The following GCNT2 variants were observed in gnomAD, a reference collection of about 807,000 sequenced individuals.
GCNT2 encodes N-acetyllactosaminide beta-1,6-N-acetylglucosaminyl-transferase.
GCNT2 carries 34 observed loss-of-function variants against 34.2 expected under a neutral mutation model. That is an observed-to-expected ratio of 1.00 (90% CI 0.76 to 1.32). GCNT2 has a LOEUF of 1.32. GCNT2 is among the 40% of genes most tolerant of loss of function. The pLI is 0.00. For missense variants in GCNT2, 584 were observed against 489.4 expected (o/e 1.19, Z -1.82); for synonymous variants, 212 against 188.0 (o/e 1.13, Z -1.04).
At chr6:10,583,460 T>C (rs558941590) in intron 3 of GCNT2, among the ~76,000 whole-genome samples, 4 of 152,252 alleles carry the variant, frequency 2.6e-5, no homozygotes, top group African/African-American at 9.6e-5. Context: ...GTTGATCCTT[T>C]AGTTGACCAG....
At chr6:10,574,166 G>A (rs1581429001) in intron 3 of GCNT2, among the ~76,000 whole-genome samples, 2 of 152,264 alleles carry the variant, frequency 1.3e-5, no homozygotes, top group Admixed American at 1.3e-4. Context: ...ACGCAGAGGG[G>A]CTCTGCAGCC....
At chr6:10,550,841 T>C (rs1199756760) in intron 3 of GCNT2, among the ~76,000 whole-genome samples, 7 of 152,204 alleles carry the variant, frequency 4.6e-5, no homozygotes, top group Admixed American at 2.6e-4. Flanking sequence ...AGGGGCCCTG[T>C]AACCTGTATT....
intron 3 of GCNT2, among the ~76,000 whole-genome samples, chr6:10,552,264 TCTTC>T (rs1762517700): frequency 6.6e-6 from 1 of 151,840 alleles, no homozygotes; most frequent in South Asian, 2.1e-4. Context: ...GGAAATGTCT[TCTTC>T]CTTCATGTTA....
chr6:10,571,326 T>C (rs138779750), intron 3 of GCNT2, among the ~76,000 whole-genome samples: 2,385 of 150,934 alleles, frequency 0.016, 26 homozygotes, highest in Admixed American at 0.022. Context: ...GTAGAAATTA[T>C]GATGATGATC....
intron 3 of GCNT2, among the ~76,000 whole-genome samples, chr6:10,600,972 T>A (rs1765066013): frequency 2.6e-5 from 4 of 152,038 alleles, no homozygotes; most frequent in African/African-American, 7.3e-5. Context: ...TTGTATTTTT[T>A]GTAGAGATGG....
Position 10,529,178 on chromosome 6 carries a change from T to C in GCNT2, c.267T>C (p.Ser89=). The part of the protein sequence containing the change: ...VRSHYVTETL[S]EEEAGFPLAY... ...GCCACTATGTAACAGAAACACTCTC[T>C]GAAGAAGAGGCTGGGTTCCCTTTAG... Residue 89 remains serine, a synonymous_variant, in exon 3 of 5, where the codon TCT becomes TCC. Transcript: ENST00000495262. 6.2e-7 allele frequency: 1 copy of C among 1,614,178 alleles called. No homozygotes were observed. The highest frequency in any genetic ancestry group is 8.5e-7 in the Non-Finnish European group (1 of 1,180,018).
intron 3 of GCNT2, among the ~76,000 whole-genome samples, chr6:10,576,920 C>CAAT (rs142548361): frequency 4.0e-3 from 605 of 151,422 alleles, no homozygotes; most frequent in Non-Finnish European, 5.5e-3. Context: ...AAAATAATAA[C>CAAT]AATAATAATA....
intron 3 of GCNT2, among the ~76,000 whole-genome samples, chr6:10,543,860 G>A (rs1222219781): frequency 6.6e-6 from 1 of 152,190 alleles, no homozygotes; most frequent in Non-Finnish European, 1.5e-5. Context: ...GCTAGTAAGT[G>A]TCAGTGTCAA....
intron 3 of GCNT2, chr6:10,619,327 G>A (rs1486287129): frequency 1.3e-5 from 2 of 151,754 alleles, no homozygotes; most frequent in Non-Finnish European, 2.9e-5. Flanking sequence ...GACTACAAGA[G>A]TGCATCACCA....
chr6:10,594,160 A>T (rs530790023), intron 3 of GCNT2, among the ~76,000 whole-genome samples: 1 of 152,340 alleles, frequency 6.6e-6, no homozygotes, highest in East Asian at 1.9e-4. Context: ...GCAGGTCTGG[A>T]GCAGTCCCCA....
At chr6:10,549,564 T>TCTC (rs549030719) in intron 3 of GCNT2, among the ~76,000 whole-genome samples, 11 of 42,518 alleles carry the variant, frequency 2.6e-4, no homozygotes, top group Non-Finnish European at 3.9e-4. Flanking sequence ...TCTCTCTCTC[T>TCTC]TTTTTTTTTT....
At chr6:10,536,280 T>G (rs1197298305) in intron 3 of GCNT2, among the ~76,000 whole-genome samples, 2 of 152,126 alleles carry the variant, frequency 1.3e-5, no homozygotes, top group African/African-American at 4.8e-5. Flanking sequence ...GGAGGAAGAT[T>G]TGGGGATTTT....
chr6:10,617,063 C>A (rs1765801777), intron 3 of GCNT2, among the ~76,000 whole-genome samples: 1 of 152,228 alleles, frequency 6.6e-6, no homozygotes. Flanking sequence ...CGCCTGCACT[C>A]CTTAGCCTTT....
At chr6:10,537,921 A>G (rs1761848944) in intron 3 of GCNT2, among the ~76,000 whole-genome samples, 1 of 151,948 alleles carries the variant, frequency 6.6e-6, no homozygotes, top group Non-Finnish European at 1.5e-5. Context: ...ACAGTGCACT[A>G]TAGAGTACAG....
intron 1 of GCNT2, among the ~76,000 whole-genome samples, chr6:10,522,262 G>A (rs1760950663): frequency 6.6e-6 from 1 of 151,294 alleles, no homozygotes; most frequent in Non-Finnish European, 1.5e-5. Context: ...TTTGATAATA[G>A]GTAAAATTGA....
intron 3 of GCNT2, among the ~76,000 whole-genome samples, chr6:10,551,208 T>C (rs1047927987): frequency 2.6e-5 from 4 of 152,158 alleles, no homozygotes; most frequent in Non-Finnish European, 2.9e-5. Flanking sequence ...ATTTAAATAC[T>C]TTGTATACTG....
At chr6:10,542,669 G>C (rs772650813) in intron 3 of GCNT2, among the ~76,000 whole-genome samples, 3 of 152,060 alleles carry the variant, frequency 2.0e-5, no homozygotes, top group Non-Finnish European at 4.4e-5. Flanking sequence ...CCGTGTTATC[G>C]CGTGAATCAG....
chr6:10,573,705 G>A, intron 3 of GCNT2, among the ~76,000 whole-genome samples: 1 of 152,216 alleles, frequency 6.6e-6, no homozygotes, highest in Non-Finnish European at 1.5e-5. Flanking sequence ...TCACCACCAT[G>A]CCGCATATTG....
chr6:10,572,072 C>T (rs912832992), intron 3 of GCNT2, among the ~76,000 whole-genome samples: 4 of 150,330 alleles, frequency 2.7e-5, no homozygotes, highest in Middle Eastern at 6.8e-3. Context: ...TTCTCTAGCT[C>T]TAGTACTGAA....
Sources: allele counts gnomAD v4.1 joint callset (sites outside exome capture counted in the v4.1 genomes callset), GRCh38; gene constraint gnomAD v4.1.1; transcripts MANE v1.5; gene names NCBI Gene and HGNC (gene_info 2026-07-23, HGNC 2026-07-21).